AMOTL1: variants seen among roughly 807,000 people sequenced by gnomAD.
AMOTL1 encodes angiomotin like 1.
Under a neutral mutation model 102.9 loss-of-function variants are expected in AMOTL1, and 45 were observed. That is an observed-to-expected ratio of 0.44 (90% CI 0.34 to 0.56). The LOEUF (loss-of-function observed/expected upper bound fraction) is 0.56. AMOTL1 is among the 20% of genes least tolerant of loss of function. The pLI is 0.01. For synonymous variants in AMOTL1, 481 were observed against 484.7 expected (o/e 0.99, Z 0.10); for missense variants, 1,114 against 1,225.6 (o/e 0.91, Z 1.36).
At chr11:94,789,778 C>T (rs1193667001) in intron 1 of AMOTL1, among the ~76,000 whole-genome samples, 1 of 152,150 alleles carries the variant, frequency 6.6e-6, no homozygotes, top group Admixed American at 6.5e-5. Flanking sequence ...TCAGCAAATT[C>T]CTTAGCTCTT....
At chr11:94,842,815 A>G (rs529698818) in intron 6 of AMOTL1, among the ~76,000 whole-genome samples, 4 of 152,210 alleles carry the variant, frequency 2.6e-5, no homozygotes, top group East Asian at 1.9e-4. Flanking sequence ...CTTGGCCCCA[A>G]TGTCCCTTCT....
chr11:94,819,017 T>C (rs1001782893), intron 3 of AMOTL1, among the ~76,000 whole-genome samples: 6 of 152,192 alleles, frequency 3.9e-5, no homozygotes, highest in African/African-American at 1.4e-4. Context: ...TTTCTCTTCC[T>C]CCTCCTATTT....
At chr11:94,791,145 A>G (rs185128685) in intron 1 of AMOTL1, among the ~76,000 whole-genome samples, 14 of 152,366 alleles carry the variant, frequency 9.2e-5, no homozygotes, top group Admixed American at 5.9e-4. Flanking sequence ...TCAAAGAGAG[A>G]GAAGCAAAGG....
chr11:94,746,390 T>C (rs1028721736), intron 3 of AMOTL1, among the ~76,000 whole-genome samples: 1 of 152,160 alleles, frequency 6.6e-6, no homozygotes, highest in Non-Finnish European at 1.5e-5. Context: ...ATGTCTGCCC[T>C]GTGAATAACC....
rs781761117 is a variant in AMOTL1 at position 94,869,346 on chromosome 11, T to G, written c.2637T>G (p.Thr879=). 2.7e-5 allele frequency: 43 copies of G among 1,611,674 alleles called. No homozygotes were observed. The highest frequency in any genetic ancestry group is 3.6e-5 in the Non-Finnish European group (43 of 1,179,022). The change falls in exon 12 of 13, where the codon ACT becomes ACG. Residue 879 remains threonine, a synonymous_variant. Transcript: ENST00000433060. ...GCAGCAAGGACAGCAGCACACAGAC[T>G]GACAAGAGTGCCGAGCTCTTCTGGC... The part of the protein sequence containing the change: ...KTGSKDSSTQ[T]DKSAELFWPS...
intron 1 of AMOTL1, among the ~76,000 whole-genome samples, chr11:94,792,267 C>A (rs919958999): frequency 1.3e-5 from 2 of 152,148 alleles, no homozygotes; most frequent in Non-Finnish European, 2.9e-5. Flanking sequence ...GGGAATTGAA[C>A]AATGAGAACA....
chr11:94,738,697 G>C (rs1950472727), intron 2 of AMOTL1, among the ~76,000 whole-genome samples: 1 of 152,192 alleles, frequency 6.6e-6, no homozygotes, highest in African/African-American at 2.4e-5. Flanking sequence ...GTAAGTAAGA[G>C]AGAAATAATA....
At chr11:94,789,305 C>A (rs1175497173) in intron 1 of AMOTL1, among the ~76,000 whole-genome samples, 3 of 152,080 alleles carry the variant, frequency 2.0e-5, no homozygotes, top group Non-Finnish European at 2.9e-5. Flanking sequence ...ACTACAGGTG[C>A]CCGCCACCAT....
At chr11:94,712,498 AC>A (rs1950035498) in intron 1 of AMOTL1, among the ~76,000 whole-genome samples, 1 of 152,090 alleles carries the variant, frequency 6.6e-6, no homozygotes, top group Non-Finnish European at 1.5e-5. Context: ...ACCTAATTAA[AC>A]TAAAGAGCTT....
chr11:94,867,578 G>T (rs1952908898), intron 11 of AMOTL1, among the ~76,000 whole-genome samples: 1 of 151,936 alleles, frequency 6.6e-6, no homozygotes, highest in Non-Finnish European at 1.5e-5. Flanking sequence ...CCTCATTGTT[G>T]TCATTGGTGT....
chr11:94,811,952 C>T (rs1050315146), intron 3 of AMOTL1, among the ~76,000 whole-genome samples: 4 of 152,176 alleles, frequency 2.6e-5, no homozygotes, highest in African/African-American at 7.2e-5. Flanking sequence ...GAGTTACCTG[C>T]ACTCCATCAT....
At chr11:94,867,680 C>G (rs191151656) in intron 11 of AMOTL1, among the ~76,000 whole-genome samples, 6 of 152,350 alleles carry the variant, frequency 3.9e-5, no homozygotes, top group African/African-American at 1.4e-4. Context: ...CATTGCTTGC[C>G]TGATAGGCTC....
chr11:94,799,504 A>G lies in AMOTL1; in HGVS notation c.314A>G (p.Glu105Gly). 1 of 1,613,256 alleles carries G rather than the reference A, an allele frequency of 6.2e-7. No homozygotes were observed. Among genetic ancestry groups the G allele is most frequent in the South Asian group, 1.1e-5 (1 of 90,874 alleles). ...ACAGTATTGCAGCGGCTGATCCAGG[A>G]ACAACTGCGGTATGGCACCCCAACC... Reference protein sequence around the residue: ...AGTVLQRLIQEQLRYGTPTEN... With the variant: ...AGTVLQRLIQGQLRYGTPTEN... The change falls in exon 3 of 13, where the codon GAA becomes GGA. Residue 105 changes from glutamate to glycine, a missense_variant. Coordinates refer to ENST00000433060, the MANE Select transcript of AMOTL1 (RefSeq NM_130847.3). This position sits in a 1 kb window ranked among gnomAD's most constrained non-coding sequence, Gnocchi z 4.5.
At chr11:94,848,519 T>A (rs1952466774) in intron 6 of AMOTL1, among the ~76,000 whole-genome samples, 1 of 152,106 alleles carries the variant, frequency 6.6e-6, no homozygotes, top group African/African-American at 2.4e-5. Flanking sequence ...TCTGATCCCA[T>A]CGACATAATT....
chr11:94,795,862 G>A (rs1286560494), intron 2 of AMOTL1, among the ~76,000 whole-genome samples: 4 of 152,124 alleles, frequency 2.6e-5, no homozygotes, highest in African/African-American at 9.7e-5. Context: ...TTATTTGAAT[G>A]TGCTTGTTCC....
At chr11:94,719,915 C>G (rs760369588) in intron 1 of AMOTL1, among the ~76,000 whole-genome samples, 4 of 152,236 alleles carry the variant, frequency 2.6e-5, no homozygotes, top group Non-Finnish European at 5.9e-5. Flanking sequence ...ACCCAAGGAT[C>G]TGCCCCCAGA....
At chr11:94,782,254 T>C (rs1447238266) in intron 1 of AMOTL1, among the ~76,000 whole-genome samples, 2 of 152,222 alleles carry the variant, frequency 1.3e-5, no homozygotes, top group African/African-American at 4.8e-5. Context: ...ACTTGTCACT[T>C]CAAGAAAAAC....
intron 3 of AMOTL1, among the ~76,000 whole-genome samples, chr11:94,749,238 G>T (rs72971740): frequency 6.6e-6 from 1 of 152,220 alleles, no homozygotes; most frequent in Non-Finnish European, 1.5e-5. Flanking sequence ...GTAACCACTG[G>T]TGCGAGTACT....
At chr11:94,731,245 G>A (rs1424387160) in intron 2 of AMOTL1, among the ~76,000 whole-genome samples, 1 of 152,192 alleles carries the variant, frequency 6.6e-6, no homozygotes, top group Non-Finnish European at 1.5e-5. Flanking sequence ...CAGATAATCA[G>A]TCTATATCCT....
Sources: allele counts gnomAD v4.1 joint callset (sites outside exome capture counted in the v4.1 genomes callset), GRCh38; gene constraint gnomAD v4.1.1; non-coding constraint Gnocchi (gnomAD v3.1); transcripts MANE v1.5; gene names NCBI Gene and HGNC (gene_info 2026-07-23, HGNC 2026-07-21).